CTNND2: variants seen among roughly 807,000 people sequenced by gnomAD.
The protein encoded by CTNND2 is catenin delta 2.
In CTNND2, 22 loss-of-function variants were observed where a neutral mutation model predicts 144.4. The observed-to-expected ratio is 0.15, with a 90% CI of 0.11 to 0.22. CTNND2 has a LOEUF of 0.22. Among genes scored for constraint, CTNND2 ranks in the 10% least tolerant of loss-of-function variants. The probability of loss-of-function intolerance (pLI) is 1.00; values close to 1 mark genes in which losing one functional copy is unlikely to be tolerated. For missense variants in CTNND2, 1,353 were observed against 1,618.8 expected, an observed-to-expected ratio of 0.84 and a Z score of 2.82; for synonymous variants, 751 against 695.6, an observed-to-expected ratio of 1.08 and a Z score of -1.25.
At chr5:10,992,777 C>T in intron 18 of CTNND2, 100 bp from the exon 19 acceptor site, 1 of 1,475,214 alleles carries the variant, frequency 6.8e-7, no homozygotes, top group African/African-American at 1.4e-5. Context: ...CATAATATTT[C>T]TATGGTGTGT....
chr5:11,679,048 T>C (rs1362891588), intron 2 of CTNND2, among the ~76,000 whole-genome samples: 1 of 152,026 alleles, frequency 6.6e-6, no homozygotes, highest in East Asian at 1.9e-4. Flanking sequence ...AAGACTTTTG[T>C]TTTTCAGCAT....
intron 1 of CTNND2, among the ~76,000 whole-genome samples, chr5:11,884,877 TGA>T (rs1394880020): frequency 1.3e-5 from 2 of 152,216 alleles, no homozygotes; most frequent in African/African-American, 4.8e-5. Context: ...TGAAGTATGT[TGA>T]GTTTTATCAA....
chr5:11,325,663 G>C (rs1468971712), intron 9 of CTNND2, among the ~76,000 whole-genome samples: 1 of 151,610 alleles, frequency 6.6e-6, no homozygotes, highest in Non-Finnish European at 1.5e-5. Context: ...GACCCTACAG[G>C]AGCCTTGAAA....
intron 2 of CTNND2, among the ~76,000 whole-genome samples, chr5:11,591,130 TCAG>T (rs1779217643): frequency 6.6e-6 from 1 of 152,180 alleles, no homozygotes; most frequent in African/African-American, 2.4e-5. Context: ...TATGTAACCC[TCAG>T]AGGCATTTTT....
chr5:11,207,819 T>G (rs1334151390), intron 10 of CTNND2, among the ~76,000 whole-genome samples: 2 of 152,206 alleles, frequency 1.3e-5, no homozygotes, highest in Non-Finnish European at 2.9e-5. Flanking sequence ...TAATCCATAA[T>G]AAAGTGAAGA....
chr5:11,572,750 G>C (rs1777664557), intron 2 of CTNND2, among the ~76,000 whole-genome samples: 1 of 152,130 alleles, frequency 6.6e-6, no homozygotes, highest in Non-Finnish European at 1.5e-5. Context: ...CCTGTCTATA[G>C]ATGAGACCTG....
intron 8 of CTNND2, among the ~76,000 whole-genome samples, chr5:11,361,354 C>T (rs1287551189): frequency 6.6e-6 from 1 of 152,104 alleles, no homozygotes; most frequent in East Asian, 1.9e-4. Flanking sequence ...TAGGGTCTGA[C>T]TATGTTGCCC....
intron 2 of CTNND2, among the ~76,000 whole-genome samples, chr5:11,630,617 T>C (rs1178858798): frequency 6.6e-6 from 1 of 152,208 alleles, no homozygotes; most frequent in African/African-American, 2.4e-5. Context: ...TTTTCCTTTA[T>C]TGATATTGTT....
chr5:11,467,166 A>C (rs1766762503), intron 3 of CTNND2, among the ~76,000 whole-genome samples: 2 of 152,212 alleles, frequency 1.3e-5, no homozygotes, highest in Admixed American at 6.5e-5. Flanking sequence ...GGATGTGCAG[A>C]AAAGTGTGTG....
chr5:11,101,325 G>C (rs1751856507), intron 14 of CTNND2, among the ~76,000 whole-genome samples: 1 of 152,176 alleles, frequency 6.6e-6, no homozygotes, highest in Non-Finnish European at 1.5e-5. Flanking sequence ...GGGTTAACAT[G>C]CTTGATATTA....
intron 16 of CTNND2, among the ~76,000 whole-genome samples, chr5:11,030,754 G>GTTTT (rs61312361): frequency 1.1e-4 from 11 of 100,760 alleles, no homozygotes; most frequent in East Asian, 6.8e-4. Flanking sequence ...TATGGTTTCT[G>GTTTT]TTTTTTTTTT....
At chr5:11,110,604 G>A (rs560212519) in intron 14 of CTNND2, among the ~76,000 whole-genome samples, 47 of 152,282 alleles carry the variant, frequency 3.1e-4, no homozygotes, top group African/African-American at 8.9e-4. Flanking sequence ...GAATGTCAGA[G>A]CTTGCTAGGG....
chr5:11,183,200 C>T (rs1214887466), intron 11 of CTNND2, among the ~76,000 whole-genome samples: 1 of 152,156 alleles, frequency 6.6e-6, no homozygotes. Context: ...GGCAGTTTTG[C>T]AGAAAATTAT....
chr5:11,596,642 T>C (rs559267880), intron 2 of CTNND2, among the ~76,000 whole-genome samples: 105 of 152,346 alleles, frequency 6.9e-4, no homozygotes, highest in African/African-American at 2.5e-3. Flanking sequence ...AGGATATATT[T>C]GCCTTTGGTA....
At chr5:11,148,956 T>C (rs903230932) in intron 12 of CTNND2, among the ~76,000 whole-genome samples, 2 of 152,128 alleles carry the variant, frequency 1.3e-5, no homozygotes, top group African/African-American at 4.8e-5. Context: ...CAAGGACAAA[T>C]GACATTTAAT....
chr5:11,041,453 A>G (rs1185027079), intron 16 of CTNND2, among the ~76,000 whole-genome samples: 2 of 152,194 alleles, frequency 1.3e-5, no homozygotes, highest in South Asian at 4.1e-4. Flanking sequence ...TAAGTCTCTT[A>G]GGCAGAAGCT....
At chr5:11,778,382 T>G (rs1790368342) in intron 1 of CTNND2, among the ~76,000 whole-genome samples, 1 of 152,116 alleles carries the variant, frequency 6.6e-6, no homozygotes, top group Non-Finnish European at 1.5e-5. Flanking sequence ...TGGCTTTGAA[T>G]TGTCAACAAG....
At chr5:11,750,026 G>A (rs1325367913) in intron 1 of CTNND2, among the ~76,000 whole-genome samples, 1 of 151,992 alleles carries the variant, frequency 6.6e-6, no homozygotes, top group Non-Finnish European at 1.5e-5. Context: ...ACTGAAGCCA[G>A]TATTCTGGCA....
At chr5:11,229,672 G>GTGTATA (rs764623509) in intron 10 of CTNND2, among the ~76,000 whole-genome samples, 3 of 147,598 alleles carry the variant, frequency 2.0e-5, no homozygotes, top group African/African-American at 7.5e-5. Flanking sequence ...GTGTGTGTGT[G>GTGTATA]TATATATATA....
Sources: allele counts gnomAD v4.1 joint callset (sites outside exome capture counted in the v4.1 genomes callset), GRCh38; gene constraint gnomAD v4.1.1; transcripts MANE v1.5; gene names NCBI Gene and HGNC (gene_info 2026-07-23, HGNC 2026-07-21).